The following CDC14A variants were observed in gnomAD, a reference collection of about 807,000 sequenced individuals.
CDC14A encodes cell division cycle 14A.
In CDC14A, 53 loss-of-function variants were observed where a neutral mutation model predicts 74.4. That is an observed-to-expected ratio of 0.71 (90% CI 0.57 to 0.89). The LOEUF (loss-of-function observed/expected upper bound fraction) is 0.89, where lower values mean the gene tolerates loss of function less well. Among genes scored for constraint, CDC14A ranks in the 40% least tolerant of loss-of-function variants. CDC14A has a pLI of 0.00. For synonymous variants in CDC14A, 247 were observed against 258.4 expected, an observed-to-expected ratio of 0.96 and a Z score of 0.43; for missense variants, 646 against 713.7, an observed-to-expected ratio of 0.91 and a Z score of 1.08.
chr1:100,511,884 T>G (rs947561302), intron 15 of CDC14A, among the ~76,000 whole-genome samples: 2 of 152,214 alleles, frequency 1.3e-5, no homozygotes, highest in African/African-American at 4.8e-5. Context: ...CAAATCCTTC[T>G]CATGTTTGGC....
intron 4 of CDC14A, among the ~76,000 whole-genome samples, chr1:100,420,063 C>CACACACACACATAT: frequency 7.1e-4 from 44 of 61,588 alleles, no homozygotes; most frequent in African/African-American, 1.6e-3. Flanking sequence ...CACACACACA[C>CACACACACACATAT]ATATATATAT....
intron 5 of CDC14A, among the ~76,000 whole-genome samples, chr1:100,439,714 C>T (rs1033177132): frequency 8.5e-5 from 13 of 152,130 alleles, no homozygotes; most frequent in African/African-American, 2.7e-4. Flanking sequence ...GACTCAGGAA[C>T]GCAGGCTCTT....
chr1:100,477,422 G>A (rs747078812), intron 10 of CDC14A, among the ~76,000 whole-genome samples: 10 of 151,648 alleles, frequency 6.6e-5, no homozygotes, highest in Admixed American at 1.3e-4. Context: ...TAGAGGAGTC[G>A]TGTGACTTAA....
At chr1:100,410,985 C>T (rs1660618580) in intron 4 of CDC14A, among the ~76,000 whole-genome samples, 2 of 152,112 alleles carry the variant, frequency 1.3e-5, no homozygotes, top group South Asian at 4.1e-4. Context: ...AATTTCTCCT[C>T]TGAAGAACTG....
In CDC14A at chr1:100,352,710, C is replaced by T. The variant is rs1461185654; in HGVS notation, c.-245C>T. ...TGCAGCAGCCGAGTCCAAATAGGAG[C>T]GGCCACAGCCAGGGGCGTGAGCGCC... is the stretch of plus-strand genomic sequence containing the variant. On this transcript the variant is annotated 5_prime_UTR_variant, in exon 1 of 16. Transcript: ENST00000336454. 7.3e-7 allele frequency: 1 copy of T among 1,365,112 alleles called. No individual in the cohort carries two copies. Among genetic ancestry groups the T allele is most frequent in the Admixed American group, 3.3e-5 (1 of 30,076 alleles). The allele number at this position is 1,365,112 out of a possible 1,614,324, so 84.6% of individuals were successfully genotyped here.
intron 8 of CDC14A, among the ~76,000 whole-genome samples, chr1:100,459,232 G>A (rs1394754489): frequency 6.6e-6 from 1 of 152,094 alleles, no homozygotes; most frequent in East Asian, 1.9e-4. Context: ...GTTTAGTAAA[G>A]AGCCTGGGCA....
chr1:100,403,910 C>T (rs1453278685), intron 4 of CDC14A, among the ~76,000 whole-genome samples: 3 of 152,166 alleles, frequency 2.0e-5, no homozygotes, highest in South Asian at 4.2e-4. Flanking sequence ...TATAATGTCC[C>T]ATTCACCTCA....
chr1:100,466,243 C>G (rs1175470990), intron 9 of CDC14A, among the ~76,000 whole-genome samples: 1 of 152,076 alleles, frequency 6.6e-6, no homozygotes, highest in Non-Finnish European at 1.5e-5. Flanking sequence ...CCTTTTCTCT[C>G]CAGATAGACA....
intron 2 of CDC14A, among the ~76,000 whole-genome samples, chr1:100,367,519 T>A (rs1653800025): frequency 6.6e-6 from 1 of 152,164 alleles, no homozygotes; most frequent in Admixed American, 6.5e-5. Flanking sequence ...TATTTATTAA[T>A]AGTAAGCTAG....
intron 4 of CDC14A, among the ~76,000 whole-genome samples, chr1:100,411,357 A>T (rs1431046217): frequency 1.3e-5 from 2 of 151,434 alleles, no homozygotes; most frequent in Admixed American, 6.6e-5. Context: ...TGTTTTTCCT[A>T]CTGGTTCCAT....
chr1:100,396,885 G>T (rs1213943113), intron 4 of CDC14A, among the ~76,000 whole-genome samples: 1 of 152,156 alleles, frequency 6.6e-6, no homozygotes, highest in Non-Finnish European at 1.5e-5. Flanking sequence ...TTATATCTAA[G>T]TGGGGGGAGA....
intron 15 of CDC14A, among the ~76,000 whole-genome samples, chr1:100,510,385 C>G (rs1649626152): frequency 6.6e-6 from 1 of 152,192 alleles, no homozygotes; most frequent in African/African-American, 2.4e-5. Flanking sequence ...TTTAAACTTT[C>G]TTAACCTCAG....
At chr1:100,475,757 TCACTCTC>T (rs1432375344) in intron 10 of CDC14A, among the ~76,000 whole-genome samples, 1 of 152,126 alleles carries the variant, frequency 6.6e-6, no homozygotes, top group Non-Finnish European at 1.5e-5. Flanking sequence ...GTGAAAGTCT[TCACTCTC>T]CACTAGGCCT....
At chr1:100,435,823 TAAAAAAAAAAAAAA>T (rs10545372) in intron 5 of CDC14A, among the ~76,000 whole-genome samples, 2 of 97,958 alleles carry the variant, frequency 2.0e-5, no homozygotes, top group East Asian at 5.8e-4. Context: ...AGACTTCGTC[TAAAAAAAAAAAAAA>T]AAAAAAAAAA....
chr1:100,497,686 G>A (rs1416206842), intron 13 of CDC14A, among the ~76,000 whole-genome samples: 1 of 152,194 alleles, frequency 6.6e-6, no homozygotes, highest in Non-Finnish European at 1.5e-5. Context: ...ATGAATACCA[G>A]TGGCAAAGAA....
chr1:100,516,489 C>A (rs563310945), intron 15 of CDC14A, among the ~76,000 whole-genome samples: 2 of 152,224 alleles, frequency 1.3e-5, no homozygotes, highest in East Asian at 3.9e-4. Context: ...TGATAACATG[C>A]ACAACTTTAC....
chr1:100,346,111 C>T (rs185653333), intron 1 of CDC14A, among the ~76,000 whole-genome samples: 2 of 152,194 alleles, frequency 1.3e-5, no homozygotes, highest in Non-Finnish European at 2.9e-5. Context: ...GCAGAGGTTG[C>T]AGTGAGCTGA....
At chr1:100,427,582 C>T (rs928520771) in intron 5 of CDC14A, among the ~76,000 whole-genome samples, 5 of 152,144 alleles carry the variant, frequency 3.3e-5, no homozygotes, top group Non-Finnish European at 5.9e-5. Context: ...CTACATACAA[C>T]GTTAAAGCAA....
chr1:100,461,897 TCTTA>T (rs1366792369), intron 8 of CDC14A, among the ~76,000 whole-genome samples: 5 of 152,352 alleles, frequency 3.3e-5, no homozygotes, highest in Non-Finnish European at 5.9e-5. Flanking sequence ...TTAAGTCAAG[TCTTA>T]CTTAAGTATT....
Sources: gnomAD v4.1 joint callset for allele counts (sites outside exome capture counted in the v4.1 genomes callset) on GRCh38, gnomAD v4.1.1 for gene constraint, MANE v1.5 for transcripts, NCBI Gene and HGNC (gene_info 2026-07-23, HGNC 2026-07-21) for gene names.